RANBP10: variants seen among roughly 807,000 people sequenced by gnomAD.
RANBP10 encodes the protein RAN binding protein 10.
RANBP10 carries 24 observed loss-of-function variants against 72.8 expected under a neutral mutation model. The ratio of observed to expected loss-of-function variants is 0.33; its 90% CI spans 0.24 to 0.46. RANBP10 has a LOEUF of 0.46. Among genes scored for constraint, RANBP10 ranks in the 20% least tolerant of loss-of-function variants. The pLI is 1.00. For missense variants in RANBP10, 679 were observed against 817.5 expected, an observed-to-expected ratio of 0.83 and a Z score of 2.07; for synonymous variants, 310 against 322.3, an observed-to-expected ratio of 0.96 and a Z score of 0.41.
intron 3 of RANBP10, among the ~76,000 whole-genome samples, chr16:67,750,748 CT>C (rs971576593): frequency 6.7e-6 from 1 of 148,682 alleles, no homozygotes; most frequent in African/African-American, 2.5e-5. Context: ...GGAAGGTTTC[CT>C]TTTTTCACTT....
chr16:67,766,142 G>A (rs1311650716), intron 3 of RANBP10, among the ~76,000 whole-genome samples: 3 of 152,142 alleles, frequency 2.0e-5, no homozygotes. Context: ...AGAGCCTCTT[G>A]GAAATCAGCA....
At chr16:67,797,661 T>G (rs1253313498) in intron 2 of RANBP10, among the ~76,000 whole-genome samples, 1 of 151,670 alleles carries the variant, frequency 6.6e-6, no homozygotes, top group Non-Finnish European at 1.5e-5. Context: ...AATACCAAAA[T>G]TAGCCAGGTG....
chr16:67,732,822 C>T (rs1395738798), intron 6 of RANBP10, among the ~76,000 whole-genome samples: 3 of 146,396 alleles, frequency 2.0e-5, no homozygotes, highest in Admixed American at 6.8e-5. Flanking sequence ...CTGAGGCGGG[C>T]GGATCACAAG....
intron 2 of RANBP10, among the ~76,000 whole-genome samples, chr16:67,804,809 G>A (rs556408105): frequency 1.1e-4 from 16 of 152,178 alleles, no homozygotes; most frequent in African/African-American, 2.6e-4. Context: ...GATTACAGGC[G>A]TGAGCCACCG....
intron 3 of RANBP10, among the ~76,000 whole-genome samples, chr16:67,754,709 GAAA>G (rs2054256892): frequency 6.6e-6 from 1 of 152,232 alleles, no homozygotes; most frequent in Admixed American, 6.5e-5. Flanking sequence ...GCCTCTGTTA[GAAA>G]GAGACTGTAG....
chr16:67,771,907 C>G, intron 3 of RANBP10, 127 bp downstream of exon 3: 1 of 1,082,350 alleles, frequency 9.2e-7, no homozygotes, highest in East Asian at 2.5e-5. Context: ...ATCCTCCAAC[C>G]AGTAGCATGG....
At chr16:67,742,926 T>C (rs1012485111) in intron 4 of RANBP10, among the ~76,000 whole-genome samples, 17 of 152,220 alleles carry the variant, frequency 1.1e-4, no homozygotes, top group Admixed American at 9.2e-4. Flanking sequence ...ATCTGGTCAC[T>C]AGCAACTGCA....
chr16:67,784,800 C>T (rs1169426839), intron 2 of RANBP10, among the ~76,000 whole-genome samples: 1 of 147,078 alleles, frequency 6.8e-6, no homozygotes, highest in Admixed American at 6.9e-5. Context: ...GCCTGGGTGA[C>T]AAGAGCGAAA....
chr16:67,800,835 C>A (rs1287685496), intron 2 of RANBP10, among the ~76,000 whole-genome samples: 1 of 152,186 alleles, frequency 6.6e-6, no homozygotes, highest in Non-Finnish European at 1.5e-5. Context: ...ATAGGTCTAA[C>A]AGGTCTCGCC....
intron 4 of RANBP10, chr16:67,744,056 T>C (rs2054020541): frequency 1.0e-6 from 1 of 976,642 alleles, no homozygotes. Flanking sequence ...ACCAGGATAC[T>C]GCTGTACTCT....
intron 4 of RANBP10, chr16:67,739,106 C>CAT (rs2053916321): frequency 6.6e-6 from 1 of 152,162 alleles, no homozygotes; most frequent in Non-Finnish European, 1.5e-5. Context: ...ACTACAGGCA[C>CAT]ATACCACCAT....
chr16:67,740,198 G>T (rs1056221657), intron 4 of RANBP10, among the ~76,000 whole-genome samples: 5 of 151,670 alleles, frequency 3.3e-5, no homozygotes, highest in South Asian at 4.2e-4. Flanking sequence ...CGCCTCCCGG[G>T]TTCACGCCAT....
At chr16:67,779,737 T>C (rs2054776786) in intron 2 of RANBP10, among the ~76,000 whole-genome samples, 1 of 152,190 alleles carries the variant, frequency 6.6e-6, no homozygotes, top group Non-Finnish European at 1.5e-5. Flanking sequence ...AAAAATGCCC[T>C]GTACCCAGTA....
chr16:67,794,802 C>T (rs1281814839), intron 2 of RANBP10, among the ~76,000 whole-genome samples: 2 of 151,056 alleles, frequency 1.3e-5, no homozygotes, highest in Non-Finnish European at 2.9e-5. Context: ...GGATTACAGG[C>T]TTGAGCCACT....
In RANBP10 at chr16:67,803,540, C is replaced by T. The variant is rs1380773957; in HGVS notation, c.347+1888G>A. Among the ~76,000 whole-genome samples, 8 of 151,126 alleles carry T rather than the reference C, an allele frequency of 5.3e-5. No individual in the cohort carries two copies. In the Admixed American group the frequency reaches 5.3e-4, roughly 10 times the overall value. On this transcript the variant is annotated intron_variant, in intron 2 of 13. Transcript: ENST00000317506. ...TGGCACATGCCTGTAAGCCCAGCTA[C>T]TCAGGAGGCTGAGGCAGGAGAATTA...
intron 2 of RANBP10, among the ~76,000 whole-genome samples, chr16:67,788,255 A>C (rs558162862): frequency 6.6e-6 from 1 of 151,286 alleles, no homozygotes; most frequent in Non-Finnish European, 1.5e-5. Context: ...GGCCTCTACA[A>C]ATTTTTTTTT....
At chr16:67,754,058 G>A (rs1020345943) in intron 3 of RANBP10, among the ~76,000 whole-genome samples, 6 of 151,524 alleles carry the variant, frequency 4.0e-5, no homozygotes, top group African/African-American at 7.3e-5. Flanking sequence ...GGCGTGAACC[G>A]GGAGGCGGAG....
chr16:67,796,808 T>A, intron 2 of RANBP10, among the ~76,000 whole-genome samples: 1 of 152,178 alleles, frequency 6.6e-6, no homozygotes, highest in Non-Finnish European at 1.5e-5. Context: ...ACAGAGCATC[T>A]TGTTCTGGCC....
intron 2 of RANBP10, among the ~76,000 whole-genome samples, chr16:67,803,249 C>T (rs916474071): frequency 5.3e-5 from 8 of 152,050 alleles, no homozygotes; most frequent in African/African-American, 1.4e-4. Flanking sequence ...GAAAGATGGC[C>T]GGGTGCAGTA....
Sources: gnomAD v4.1 joint callset for allele counts (sites outside exome capture counted in the v4.1 genomes callset) on GRCh38, gnomAD v4.1.1 for gene constraint, MANE v1.5 for transcripts, NCBI Gene and HGNC (gene_info 2026-07-23, HGNC 2026-07-21) for gene names.